Variants in HERPUD2 observed in about 807,000 individuals in gnomAD.
HERPUD2 encodes the protein homocysteine-responsive endoplasmic reticulum-resident ubiquitin-like domain member 2 protein.
HERPUD2 carries 13 observed loss-of-function variants against 49.9 expected under a neutral mutation model. That is an observed-to-expected ratio of 0.26 (90% CI 0.17 to 0.41). The LOEUF (loss-of-function observed/expected upper bound fraction) is 0.41, where lower values mean the gene tolerates loss of function less well. HERPUD2 is among the 10% of genes least tolerant of loss of function. The pLI is 1.00. For missense variants in HERPUD2, 449 were observed against 492.2 expected (o/e 0.91, Z 0.83); for synonymous variants, 172 against 171.4 (o/e 1.00, Z -0.03).
At chr7:35,649,208 G>A (rs529296321) in intron 5 of HERPUD2, among the ~76,000 whole-genome samples, 120 of 150,574 alleles carry the variant, frequency 8.0e-4, no homozygotes, top group African/African-American at 2.8e-3. Flanking sequence ...CTGAGATTGC[G>A]CCACTGCACT....
chr7:35,672,444 TA>T (rs1357642412), intron 3 of HERPUD2, among the ~76,000 whole-genome samples: 2 of 152,004 alleles, frequency 1.3e-5, no homozygotes, highest in African/African-American at 2.4e-5. Context: ...TATACTAATA[TA>T]TTTTTTTAAA....
At chr7:35,642,690 G>C (rs1456953027) in intron 5 of HERPUD2, among the ~76,000 whole-genome samples, 1 of 152,142 alleles carries the variant, frequency 6.6e-6, no homozygotes. Context: ...TTATCCTTAG[G>C]AAACTAACGC....
intron 3 of HERPUD2, among the ~76,000 whole-genome samples, chr7:35,672,392 A>AT: frequency 6.6e-6 from 1 of 152,206 alleles, no homozygotes; most frequent in South Asian, 2.1e-4. Flanking sequence ...GCAAGAAGTC[A>AT]CATTGGCAAA....
chr7:35,657,178 A>G (rs1360343268), intron 5 of HERPUD2, among the ~76,000 whole-genome samples: 1 of 152,194 alleles, frequency 6.6e-6, no homozygotes, highest in Non-Finnish European at 1.5e-5. Flanking sequence ...TAAAACAAAT[A>G]ATCCCATTAA....
At chr7:35,658,260 T>C (rs1292750798) in intron 5 of HERPUD2, among the ~76,000 whole-genome samples, 10 of 152,164 alleles carry the variant, frequency 6.6e-5, no homozygotes, top group Non-Finnish European at 1.3e-4. Flanking sequence ...CTCACTCATA[T>C]ATGGAAGCTA....
chr7:35,685,283 T>C (rs764987089), intron 2 of HERPUD2, among the ~76,000 whole-genome samples: 12 of 150,642 alleles, frequency 8.0e-5, no homozygotes, highest in Non-Finnish European at 1.5e-4. Context: ...AATTTTTTCA[T>C]GTGCCTAAAC....
At chr7:35,674,401 A>ATATATATATT (rs1300300970) in intron 2 of HERPUD2, among the ~76,000 whole-genome samples, 1 of 59,248 alleles carries the variant, frequency 1.7e-5, no homozygotes, top group Non-Finnish European at 3.1e-5. Flanking sequence ...ATATATATAT[A>ATATATATATT]TATAGAGAGA....
At chr7:35,682,255 GTGTGTGT>G (rs1785910562) in intron 2 of HERPUD2, among the ~76,000 whole-genome samples, 1 of 73,726 alleles carries the variant, frequency 1.4e-5, no homozygotes, top group Non-Finnish European at 2.8e-5. Context: ...ACACACGTGT[GTGTGTGT>G]ATATATAGAT....
intron 5 of HERPUD2, among the ~76,000 whole-genome samples, chr7:35,654,915 C>T (rs1404922142): frequency 5.3e-5 from 8 of 152,094 alleles, no homozygotes; most frequent in Non-Finnish European, 7.4e-5. Flanking sequence ...AGTGCAGTGG[C>T]GCAATCTCAG....
At chr7:35,676,574 G>A (rs934036880) in intron 2 of HERPUD2, among the ~76,000 whole-genome samples, 18 of 152,094 alleles carry the variant, frequency 1.2e-4, no homozygotes, top group African/African-American at 4.3e-4. Flanking sequence ...TCATTTTAAT[G>A]GGAAATGGTA....
chr7:35,650,284 G>A (rs1562672221), intron 5 of HERPUD2, among the ~76,000 whole-genome samples: 2 of 151,530 alleles, frequency 1.3e-5, no homozygotes, highest in Admixed American at 6.6e-5. Flanking sequence ...CACTGGATGG[G>A]CTGGGAGCCT....
intron 5 of HERPUD2, among the ~76,000 whole-genome samples, chr7:35,652,909 T>A (rs1323320474): frequency 6.6e-6 from 1 of 151,124 alleles, no homozygotes; most frequent in African/African-American, 2.4e-5. Context: ...CATCAAAATA[T>A]AAAACCCACT....
intron 2 of HERPUD2, among the ~76,000 whole-genome samples, chr7:35,679,937 T>C (rs970362757): frequency 6.6e-5 from 10 of 152,150 alleles, no homozygotes; most frequent in African/African-American, 1.7e-4. Context: ...TATCTAACCA[T>C]TGTCAAATCC....
At chr7:35,652,845 C>G (rs1785195997) in intron 5 of HERPUD2, among the ~76,000 whole-genome samples, 1 of 152,064 alleles carries the variant, frequency 6.6e-6, no homozygotes, top group Non-Finnish European at 1.5e-5. Flanking sequence ...CCCATTACCA[C>G]TAGGCCGGCC....
At chr7:35,692,144 G>T (rs11971099) in intron 2 of HERPUD2, among the ~76,000 whole-genome samples, 1 of 152,186 alleles carries the variant, frequency 6.6e-6, no homozygotes, top group African/African-American at 2.4e-5. Flanking sequence ...CAGGCAGTTT[G>T]GGAAGGAGTT....
At chr7:35,654,595 TAAA>T (rs57491123) in intron 5 of HERPUD2, among the ~76,000 whole-genome samples, 63 of 120,864 alleles carry the variant, frequency 5.2e-4, no homozygotes, top group South Asian at 1.0e-3. Context: ...AATCAGTAAT[TAAA>T]AAAAAAAAAA....
intron 5 of HERPUD2, among the ~76,000 whole-genome samples, chr7:35,649,719 T>C (rs995650711): frequency 4.6e-5 from 7 of 152,334 alleles, no homozygotes; most frequent in Admixed American, 4.6e-4. Context: ...AAGGAATGTC[T>C]GAGTTATGAT....
intron 5 of HERPUD2, among the ~76,000 whole-genome samples, chr7:35,646,682 T>C (rs1430589169): frequency 6.6e-6 from 1 of 152,186 alleles, no homozygotes; most frequent in Non-Finnish European, 1.5e-5. Context: ...AATGTAACTA[T>C]TTGGAATGTG....
At chr7:35,682,343 GTGTGTGTGTGTGTGTATATATATA>G (rs1325854288) in intron 2 of HERPUD2, among the ~76,000 whole-genome samples, 11 of 37,800 alleles carry the variant, frequency 2.9e-4, no homozygotes, top group African/African-American at 5.6e-4. Flanking sequence ...GTGTGTGTGT[GTGTGTGTGTGTGTGTATATATATA>G]TATATATATA....
Sources: gnomAD v4.1 joint callset for allele counts (sites outside exome capture counted in the v4.1 genomes callset) on GRCh38, gnomAD v4.1.1 for gene constraint, MANE v1.5 for transcripts, NCBI Gene and HGNC (gene_info 2026-07-23, HGNC 2026-07-21) for gene names.